Variants in GK5 observed in about 807,000 individuals in gnomAD.
GK5 encodes glycerol kinase 5, also known as ATP:glycerol 3-phosphotransferase 5.
GK5 carries 39 observed loss-of-function variants against 77.3 expected under a neutral mutation model. The ratio of observed to expected loss-of-function variants is 0.50; its 90% confidence interval spans 0.39 to 0.66. The LOEUF is 0.66. Ranked by LOEUF, GK5 falls within the 30% of genes least tolerant of loss-of-function variation. The pLI is 0.00. For missense variants in GK5, 487 were observed against 633.8 expected, an observed-to-expected ratio of 0.77 and a Z score of 2.49; for synonymous variants, 211 against 208.0, an observed-to-expected ratio of 1.01 and a Z score of -0.13.
intron 2 of GK5, 79 bp downstream of exon 2, chr3:142,215,520 C>A: frequency 1.4e-6 from 1 of 714,274 alleles, no homozygotes; most frequent in Non-Finnish European, 2.4e-6. Flanking sequence ...TTAGGAAAAC[C>A]ACAACTACAG....
At chr3:142,176,658 A>ATTTTTTTTTTTTTTTTTTTTTTTTTTTT (rs1219207632) in intron 12 of GK5, among the ~76,000 whole-genome samples, 1 of 105,198 alleles carries the variant, frequency 9.5e-6, no homozygotes. Flanking sequence ...GGAGATTTTG[A>ATTTTTTTTTTTTTTTTTTTTTTTTTTTT]TTTTTTTTTT....
intron 12 of GK5, chr3:142,172,976 G>A (rs1205683869): frequency 8.9e-6 from 2 of 224,876 alleles, no homozygotes; most frequent in Admixed American, 9.3e-5. Flanking sequence ...GCCAAGGAGG[G>A]AGGATTGCTT....
chr3:142,182,319 GA>G lies in GK5; in HGVS notation c.943+603del, dbSNP rs895793303. ...TCACAAAATAATTTTCTAACAAATAGAAAAAAAAAATTTAGAACCCTAGTAA... is the reference window on the plus strand; with the variant it reads ...TCACAAAATAATTTTCTAACAAATAGAAAAAAAAATTTAGAACCCTAGTAA... On this transcript the variant is annotated intron_variant, in intron 10 of 15. Coordinates refer to ENST00000392993, the MANE Select transcript of GK5 (RefSeq NM_001039547.3). Among the ~76,000 whole-genome samples, 204 of 148,024 alleles carry G rather than the reference GA, an allele frequency of 1.4e-3. 1 individual carries two copies. Among genetic ancestry groups the G allele is most frequent in the African/African-American group, 4.8e-3 (194 of 40,420 alleles).
chr3:142,219,851 T>G (rs986696407), intron 1 of GK5, among the ~76,000 whole-genome samples: 3 of 152,022 alleles, frequency 2.0e-5, no homozygotes, highest in Admixed American at 2.0e-4. Flanking sequence ...CACCTGTAGT[T>G]CCAGCTACTC....
Position 142,185,032 on chromosome 3 carries a change from T to C in GK5, c.816+897A>G, listed in dbSNP as rs996657537. ...CCCTCAGCTGCTCCCCCAGCTACTG[T>C]GGAGACTGCACATCTTGCAACAGGT... On this transcript the variant is annotated intron_variant, in intron 9 of 15. Coordinates refer to ENST00000392993, the MANE Select transcript of GK5 (RefSeq NM_001039547.3). 5.1e-6 allele frequency: 5 copies of C among 985,434 alleles called. No individual in the cohort carries two copies. The South Asian group carries it at 2.3e-4, about 46-fold the overall frequency. 61.0% of individuals were successfully genotyped at this position (985,434 alleles called of 1,614,324 possible).
intron 3 of GK5, among the ~76,000 whole-genome samples, chr3:142,205,624 C>G (rs2064094226): frequency 6.6e-6 from 1 of 152,200 alleles, no homozygotes; most frequent in South Asian, 2.1e-4. Flanking sequence ...TTTAATCCCT[C>G]AAACATTCCC....
intron 12 of GK5, chr3:142,173,213 A>C: frequency 2.2e-6 from 1 of 445,700 alleles, no homozygotes; most frequent in Non-Finnish European, 4.5e-6. Context: ...AAAAAAAAAA[A>C]AACACCACTA....
chr3:142,192,278 G>C (rs2063862810), intron 5 of GK5, among the ~76,000 whole-genome samples: 1 of 152,214 alleles, frequency 6.6e-6, no homozygotes, highest in Non-Finnish European at 1.5e-5. Context: ...AAATGACACA[G>C]CTACTTTGGA....
chr3:142,176,943 G>A (rs1339893980), intron 12 of GK5, among the ~76,000 whole-genome samples: 1 of 152,084 alleles, frequency 6.6e-6, no homozygotes, highest in African/African-American at 2.4e-5. Flanking sequence ...TTATAGGCGT[G>A]AGCCACCGCG....
chr3:142,185,903 G>T, intron 9 of GK5, 26 bp downstream of exon 9: 1 of 1,587,102 alleles, frequency 6.3e-7, no homozygotes, highest in South Asian at 1.1e-5. Flanking sequence ...ACTATACAAA[G>T]GGAATCCCTC....
chr3:142,193,838 T>C (rs1338100596), intron 5 of GK5, among the ~76,000 whole-genome samples: 30 of 152,168 alleles, frequency 2.0e-4, no homozygotes, highest in Admixed American at 2.0e-3. Flanking sequence ...CCTCCCCAGT[T>C]CAAGTGATTC....
intron 5 of GK5, among the ~76,000 whole-genome samples, chr3:142,198,108 C>T (rs1487132463): frequency 6.6e-6 from 1 of 151,008 alleles, no homozygotes; most frequent in African/African-American, 2.4e-5. Flanking sequence ...ATTACATGTA[C>T]ACCAAGAGAT....
chr3:142,192,225 G>T (rs1354222914), intron 5 of GK5, among the ~76,000 whole-genome samples: 1 of 152,140 alleles, frequency 6.6e-6, no homozygotes, highest in African/African-American at 2.4e-5. Flanking sequence ...TGTTGGCAAG[G>T]ATACGGAGCA....
chr3:142,203,101 TA>T (rs1334960058), intron 4 of GK5, among the ~76,000 whole-genome samples: 2 of 152,130 alleles, frequency 1.3e-5, no homozygotes, highest in African/African-American at 4.8e-5. Context: ...TATTAAGGTA[TA>T]AAATTATAGA....
intron 5 of GK5, among the ~76,000 whole-genome samples, chr3:142,192,078 C>T (rs1008820816): frequency 2.0e-5 from 3 of 152,106 alleles, no homozygotes; most frequent in African/African-American, 7.2e-5. Flanking sequence ...GGTAAATAAG[C>T]ACATGAAAAT....
intron 4 of GK5, among the ~76,000 whole-genome samples, chr3:142,199,179 T>C (rs2063980962): frequency 6.6e-6 from 1 of 152,120 alleles, no homozygotes. Flanking sequence ...CAGGTACTTA[T>C]TATAAACTTT....
intron 12 of GK5, among the ~76,000 whole-genome samples, chr3:142,177,143 G>C (rs1487664628): frequency 2.0e-5 from 3 of 152,098 alleles, no homozygotes; most frequent in Non-Finnish European, 4.4e-5. Flanking sequence ...TCCCCCCACT[G>C]TGAAATGGCT....
chr3:142,177,116 C>T (rs2063626819), intron 12 of GK5, among the ~76,000 whole-genome samples: 1 of 152,118 alleles, frequency 6.6e-6, no homozygotes, highest in African/African-American at 2.4e-5. Flanking sequence ...GTAAAGAATG[C>T]AAATTTACTG....
At chr3:142,173,199 TAAA>T (rs542376454) in intron 12 of GK5, 685 of 380,664 alleles carry the variant, frequency 1.8e-3, no homozygotes, top group Middle Eastern at 2.7e-3. Context: ...AGACAGGGTC[TAAA>T]AAAAAAAAAA....
Sources: allele counts gnomAD v4.1 joint callset (sites outside exome capture counted in the v4.1 genomes callset), GRCh38; gene constraint gnomAD v4.1.1; transcripts MANE v1.5; gene names NCBI Gene and HGNC (gene_info 2026-07-23, HGNC 2026-07-21).